The following PAH variants were observed in gnomAD, a reference collection of about 807,000 sequenced individuals.
PAH encodes phenylalanine hydroxylase.
Under a neutral mutation model 62.0 loss-of-function variants are expected in PAH, and 64 were observed. The observed-to-expected ratio is 1.03, with a 90% CI of 0.84 to 1.27. PAH has a LOEUF of 1.27. Among genes scored for constraint, PAH ranks in the 50% most tolerant of loss-of-function variants. PAH has a pLI of 0.00. For missense variants in PAH, 579 were observed against 542.8 expected, an observed-to-expected ratio of 1.07 and a Z score of -0.66; for synonymous variants, 195 against 196.2, an observed-to-expected ratio of 0.99 and a Z score of 0.05.
At chr12:102,934,439 T>TC (rs1200473274) in intron 1 of PAH, among the ~76,000 whole-genome samples, 1 of 151,468 alleles carries the variant, frequency 6.6e-6, no homozygotes, top group Non-Finnish European at 1.5e-5. Context: ...TTTTAGGATT[T>TC]TTTTTCTGTT....
chr12:102,945,938 C>G (rs972674339), intron 1 of PAH: 1 of 152,200 alleles, frequency 6.6e-6, no homozygotes, highest in African/African-American at 2.4e-5. Flanking sequence ...ATGGAATATA[C>G]TACCTGGTTA....
At chr12:102,885,449 G>A (rs1339027811) in intron 3 of PAH, among the ~76,000 whole-genome samples, 2 of 152,200 alleles carry the variant, frequency 1.3e-5, no homozygotes, top group East Asian at 3.9e-4. Flanking sequence ...GCGGGCGGCT[G>A]GGCTCCGCGG....
In PAH at chr12:102,839,216, C is replaced by A. The variant is rs1874485021; in HGVS notation, c.1318G>T (p.Glu440Ter). ...AGGGCACTGCAAAGGATTCCAATTT[C>A]ACCTACAAAGAAAAACACCATCAAA... ...LKILADSINSEIGILCSALQK... is the reference protein window; with the variant it reads ...LKILADSINS Residue 440 changes from glutamate (E) to a stop codon, truncating the protein, a stop_gained and splice_region_variant, in exon 13 of 13, where the codon GAA becomes TAA. Transcript: ENST00000553106. LOFTEE classifies it high-confidence loss of function. 6.2e-7 allele frequency: 1 copy of A among 1,613,874 alleles called. No homozygotes were observed. The highest frequency in any genetic ancestry group is 8.5e-7 in the Non-Finnish European group (1 of 1,179,802).
At chr12:102,887,611 A>G (rs543020132) in intron 3 of PAH, among the ~76,000 whole-genome samples, 1 of 152,272 alleles carries the variant, frequency 6.6e-6, no homozygotes, top group South Asian at 2.1e-4. Context: ...TCAAGGGCCT[A>G]TTCAACTCAA....
chr12:102,915,189 A>T (rs1407391748), intron 1 of PAH: 1 of 152,142 alleles, frequency 6.6e-6, no homozygotes, highest in Non-Finnish European at 1.5e-5. Context: ...TTTGGGTCTC[A>T]ATTCTCTTAG....
chr12:102,928,960 C>T (rs1878765420), intron 1 of PAH, among the ~76,000 whole-genome samples: 1 of 152,184 alleles, frequency 6.6e-6, no homozygotes. Context: ...GGCTGTGCCA[C>T]CACCCAAATT....
At chr12:102,918,556 C>T (rs1878472731), upstream of PAH, among the ~76,000 whole-genome samples, 1 of 137,006 alleles carries the variant, frequency 7.3e-6, no homozygotes, top group Admixed American at 7.9e-5. Flanking sequence ...AAGCCCATGC[C>T]TCAGTTTTTT....
intron 4 of PAH, among the ~76,000 whole-genome samples, chr12:102,868,819 T>G (rs750128611): frequency 6.6e-6 from 1 of 152,218 alleles, no homozygotes; most frequent in Non-Finnish European, 1.5e-5. Flanking sequence ...TGGTCAGTCA[T>G]TAAGGTTTGA....
rs1331454882 is a variant in PAH at position 102,903,569 on chromosome 12, G to A, written c.169-8651C>T. 2.6e-5 allele frequency among the ~76,000 whole-genome samples: 4 copies of A among 152,162 alleles called. No homozygotes were observed. The East Asian group carries it at 7.7e-4, about 29-fold the overall frequency. On this transcript the variant is annotated intron_variant, in intron 2 of 12. Coordinates refer to ENST00000553106, the MANE Select transcript of PAH (RefSeq NM_000277.3). ...ATTGAATATCTGATGAGGGGGAGGA[G>A]TGGATCCCCTAGGCAGGAGTAGGGC...
chr12:102,933,922 T>C (rs951935145), intron 1 of PAH, among the ~76,000 whole-genome samples: 13 of 152,124 alleles, frequency 8.5e-5, no homozygotes, highest in African/African-American at 3.1e-4. Context: ...GTTTCTTTTG[T>C]GGTGCAAAAG....
In PAH at chr12:102,912,916, T is replaced by C; in HGVS notation, c.61-18A>G. ...CTTGTTTCCTACAGGATAAGATGCA[T>C]TTGTTTAAAACATTTTCCACAGTTT... On this transcript the variant is annotated intron_variant, in intron 1 of 12. Coordinates refer to ENST00000553106, the MANE Select transcript of PAH (RefSeq NM_000277.3). The C allele has an allele frequency of 6.5e-7, 1 of 1,535,664 alleles. No homozygotes were observed. Among genetic ancestry groups the C allele is most frequent in the South Asian group, 1.1e-5 (1 of 89,568 alleles).
intron 3 of PAH, among the ~76,000 whole-genome samples, chr12:102,882,624 T>C (rs1225918427): frequency 7.0e-6 from 1 of 142,750 alleles, no homozygotes; most frequent in Non-Finnish European, 1.5e-5. Flanking sequence ...TATCTGTATA[T>C]ATATGCATAT....
Position 102,838,262 on chromosome 12 carries a change from T to C in PAH, c.*913A>G, listed in dbSNP as rs1874445118. On this transcript the variant is annotated 3_prime_UTR_variant, in exon 13 of 13. Transcript: ENST00000553106. ...TCATGTTACAAAACTATCTAGCTAATGTATTTCTAAGGCAGTGAGAGGAAT... is the reference window on the plus strand; with the variant it reads ...TCATGTTACAAAACTATCTAGCTAACGTATTTCTAAGGCAGTGAGAGGAAT... The C allele has an allele frequency of 6.6e-6, 1 of 152,220 alleles. No homozygotes were observed. The highest frequency in any genetic ancestry group is 2.1e-4 in the South Asian group (1 of 4,830). The allele number at this position is 152,220 out of a possible 1,614,324, so 9.4% of individuals were successfully genotyped here.
chr12:102,881,536 T>C (rs1199370855), intron 3 of PAH, among the ~76,000 whole-genome samples: 1 of 152,070 alleles, frequency 6.6e-6, no homozygotes, highest in African/African-American at 2.4e-5. Context: ...TTAACAATAG[T>C]CACCATGCAG....
Position 102,844,443 on chromosome 12 carries a change from A to T in PAH, c.970-12T>A. On this transcript the variant is annotated splice_polypyrimidine_tract_variant and intron_variant, in intron 9 of 12. Transcript: ENST00000553106. Reference sequence around the variant, plus strand: ...GTAAACCAGTAAATCTGGAATGGAAAGTCAATCTGAGAGCACACTCTATGA... The same window carrying T: ...GTAAACCAGTAAATCTGGAATGGAATGTCAATCTGAGAGCACACTCTATGA... The T allele has an allele frequency of 6.4e-7, 1 of 1,556,224 alleles. No individual in the cohort carries two copies. Among genetic ancestry groups the T allele is most frequent in the African/African-American group, 1.4e-5 (1 of 73,856 alleles).
At chr12:102,931,761 A>C (rs569275027) in intron 1 of PAH, among the ~76,000 whole-genome samples, 96 of 152,244 alleles carry the variant, frequency 6.3e-4, no homozygotes, top group African/African-American at 2.3e-3. Flanking sequence ...GAAAAGGAAT[A>C]TTATGTTAAC....
intron 5 of PAH, among the ~76,000 whole-genome samples, chr12:102,863,048 T>C (rs1462801703): frequency 6.6e-6 from 1 of 152,120 alleles, no homozygotes; most frequent in African/African-American, 2.4e-5. Context: ...ACAGAGACTG[T>C]TCAATCCTTG....
chr12:102,912,899 C>T lies in PAH; in HGVS notation c.61-1G>A. 2 of 1,592,928 alleles carry T rather than the reference C, an allele frequency of 1.3e-6. No homozygotes were observed. Among genetic ancestry groups the T allele is most frequent in the Non-Finnish European group, 8.6e-7 (1 of 1,160,788 alleles). On this transcript the variant is annotated splice_acceptor_variant, in intron 1 of 12. Coordinates refer to ENST00000553106, the MANE Select transcript of PAH (RefSeq NM_000277.3). LOFTEE classifies it high-confidence loss of function. ...AGTTGTCTTCAATATAGCTTGTTTC[C>T]TACAGGATAAGATGCATTTGTTTAA...
intron 1 of PAH, 140 bp downstream of exon 1, chr12:102,916,931 C>G: frequency 1.2e-6 from 1 of 802,090 alleles, no homozygotes; most frequent in African/African-American, 1.7e-5. Context: ...CTGTTGACTT[C>G]CTGGATATTC....
Sources: gnomAD v4.1 joint callset for allele counts (sites outside exome capture counted in the v4.1 genomes callset) on GRCh38, gnomAD v4.1.1 for gene constraint, MANE v1.5 for transcripts, NCBI Gene and HGNC (gene_info 2026-07-23, HGNC 2026-07-21) for gene names.